The following DHX15 variants were observed in gnomAD, a reference collection of about 807,000 sequenced individuals.
The protein encoded by DHX15 is DEAH-box helicase 15.
DHX15 carries 11 observed loss-of-function variants against 94.4 expected under a neutral mutation model. That is an observed-to-expected ratio of 0.12 (90% CI 0.07 to 0.19). DHX15 has a LOEUF of 0.19. Among genes scored for constraint, DHX15 ranks in the 10% least tolerant of loss-of-function variants. The pLI is 1.00. For synonymous variants in DHX15, 338 were observed against 329.9 expected (o/e 1.02, Z -0.27); for missense variants, 304 against 988.5 (o/e 0.31, Z 9.29).
chr4:24,555,033 C>G, intron 4 of DHX15, 90 bp from the exon 5 acceptor site: 1 of 948,754 alleles, frequency 1.1e-6, no homozygotes, highest in Non-Finnish European at 1.5e-6. Flanking sequence ...CTACATATAT[C>G]AGCTATAAAA....
Position 24,529,754 on chromosome 4 carries a change from C to T in DHX15, c.2117G>A (p.Arg706Gln). ...GYFMQVAHLERTGHYLTVKDN... is the reference protein window; with the variant it reads ...GYFMQVAHLEQTGHYLTVKDN... ...TTTCACAGTTAAGTAATGCCCTGTT[C>T]GTTCTAAATGTGCCACCTGAAACCA... is the stretch of plus-strand genomic sequence containing the variant. The change falls in exon 13 of 14, where the codon CGA becomes CAA. Residue 706 changes from arginine (R) to glutamine (Q), a missense_variant. Arg to Gln is a conservative substitution (Grantham distance 43). Coordinates refer to ENST00000336812, the MANE Select transcript of DHX15 (RefSeq NM_001358.3). The T allele has an allele frequency of 1.2e-6, 2 of 1,614,132 alleles. No homozygotes were observed. The highest frequency in any genetic ancestry group is 1.7e-6 in the Non-Finnish European group (2 of 1,180,018).
Position 24,577,649 on chromosome 4 carries a change from C to T in DHX15, c.72-971G>A, listed in dbSNP as rs1227276726. Among the ~76,000 whole-genome samples, 4 of 152,238 alleles carry T rather than the reference C, an allele frequency of 2.6e-5. No individual in the cohort carries two copies. The South Asian group carries it at 6.2e-4, about 24-fold the overall frequency. On this transcript the variant is annotated intron_variant, in intron 1 of 13. Coordinates refer to ENST00000336812, the MANE Select transcript of DHX15 (RefSeq NM_001358.3). Reference sequence around the variant, plus strand: ...AATTTTAAGTAGTCAATGCTGGTATCTACTTCCAGTTACTAGAGATTGACC... The same window carrying T: ...AATTTTAAGTAGTCAATGCTGGTATTTACTTCCAGTTACTAGAGATTGACC...
intron 10 of DHX15, 29 bp downstream of exon 10, chr4:24,540,079 G>A (rs747470843): frequency 2.8e-6 from 4 of 1,439,192 alleles, no homozygotes; most frequent in Non-Finnish European, 2.8e-6. Context: ...GAAGAGCTGG[G>A]CTTTTTTTTG....
At chr4:24,582,751 C>T (rs969346592) in intron 1 of DHX15, among the ~76,000 whole-genome samples, 3 of 152,144 alleles carry the variant, frequency 2.0e-5, no homozygotes, top group African/African-American at 4.8e-5. Context: ...CTTCTCATTC[C>T]TTGATTGGAG....
At chr4:24,534,183 T>C (rs995096916) in intron 11 of DHX15, 7 of 152,184 alleles carry the variant, frequency 4.6e-5, no homozygotes, top group African/African-American at 9.7e-5. Flanking sequence ...TCTGAAGCCA[T>C]TGACATTTAA....
At chr4:24,552,055 T>C (rs1042512072) in intron 5 of DHX15, among the ~76,000 whole-genome samples, 3 of 152,206 alleles carry the variant, frequency 2.0e-5, no homozygotes, top group African/African-American at 4.8e-5. Flanking sequence ...TAAACAGCTT[T>C]AAAACTTGCA....
chr4:24,557,228 T>C (rs1178555660), intron 3 of DHX15, among the ~76,000 whole-genome samples: 1 of 152,186 alleles, frequency 6.6e-6, no homozygotes, highest in Non-Finnish European at 1.5e-5. Flanking sequence ...CATTCCACAC[T>C]GGTTACTGAT....
Position 24,527,813 on chromosome 4 carries a change from C to A in DHX15, c.*111G>T. On this transcript the variant is annotated 3_prime_UTR_variant, in exon 14 of 14. Coordinates refer to ENST00000336812, the MANE Select transcript of DHX15 (RefSeq NM_001358.3). ...TTTACTGTAAAGAAAAATTAAAAAG[C>A]TTTCAAATAAAGGCCATTATCGAAC... is the stretch of plus-strand genomic sequence containing the variant. 3.1e-6 allele frequency: 2 copies of A among 654,858 alleles called. No homozygotes were observed. Among genetic ancestry groups the A allele is most frequent in the East Asian group, 2.6e-5 (1 of 38,684 alleles). 40.6% of individuals were successfully genotyped at this position (654,858 alleles called of 1,614,324 possible). A position where few individuals can be genotyped will look rare whatever the true frequency, so the allele number is the denominator to read the frequency against.
chr4:24,548,804 C>G, intron 6 of DHX15, 51 bp downstream of exon 6: 1 of 1,531,052 alleles, frequency 6.5e-7, no homozygotes, highest in East Asian at 2.3e-5. Context: ...CAGTTTATAT[C>G]TCATAAATCA....
At chr4:24,558,117 T>G (rs144224249) in intron 3 of DHX15, among the ~76,000 whole-genome samples, 6 of 152,266 alleles carry the variant, frequency 3.9e-5, no homozygotes, top group African/African-American at 1.4e-4. Flanking sequence ...ATATTTAATA[T>G]TTCTGAAGGC....
Position 24,537,207 on chromosome 4 carries a change from C to T in DHX15, c.1787-34G>A, listed in dbSNP as rs750983723. 2 of 1,612,562 alleles carry T rather than the reference C, an allele frequency of 1.2e-6. No homozygotes were observed. The highest frequency in any genetic ancestry group is 1.7e-6 in the Non-Finnish European group (2 of 1,179,168). On this transcript the variant is annotated intron_variant, in intron 10 of 13. Transcript: ENST00000336812. This position sits in a 1 kb window ranked among gnomAD's most constrained non-coding sequence, Gnocchi z 4.7. ...GGTTGGTATGGGCCCAACACAAACG[C>T]CCATATCGATGAGTCACGCATTCAC...
intron 3 of DHX15, among the ~76,000 whole-genome samples, chr4:24,565,820 G>A (rs770394002): frequency 1.3e-5 from 2 of 152,156 alleles, no homozygotes; most frequent in Non-Finnish European, 2.9e-5. Context: ...TGCCATAAAT[G>A]ACGAAGAGTT....
intron 13 of DHX15, among the ~76,000 whole-genome samples, chr4:24,529,333 C>G (rs1721031017): frequency 6.6e-6 from 1 of 152,178 alleles, no homozygotes; most frequent in Admixed American, 6.5e-5. Flanking sequence ...GCCACCATGC[C>G]CAGCCCCTGA....
intron 3 of DHX15, among the ~76,000 whole-genome samples, chr4:24,559,936 A>T (rs1429664266): frequency 1.3e-5 from 2 of 152,188 alleles, no homozygotes; most frequent in Admixed American, 1.3e-4. Context: ...TTACCTAAAG[A>T]TGTCTAAAGT....
At chr4:24,557,131 T>C (rs907792343) in intron 3 of DHX15, among the ~76,000 whole-genome samples, 13 of 152,100 alleles carry the variant, frequency 8.5e-5, no homozygotes, top group African/African-American at 3.1e-4. Context: ...ACTCCAGTTA[T>C]CACAAGACAG....
At chr4:24,547,783 T>A (rs1036629882) in intron 6 of DHX15, among the ~76,000 whole-genome samples, 9 of 149,838 alleles carry the variant, frequency 6.0e-5, no homozygotes, top group African/African-American at 1.5e-4. Context: ...AGACCCCATG[T>A]TGTTTAAAAA....
At chr4:24,557,879 C>T (rs138210572) in intron 3 of DHX15, among the ~76,000 whole-genome samples, 7 of 151,792 alleles carry the variant, frequency 4.6e-5, no homozygotes, top group South Asian at 2.1e-4. Context: ...AGAGGCAATA[C>T]TCTTGTACAT....
intron 3 of DHX15, among the ~76,000 whole-genome samples, chr4:24,562,841 A>G (rs1721913446): frequency 6.6e-6 from 1 of 152,214 alleles, no homozygotes; most frequent in African/African-American, 2.4e-5. Flanking sequence ...ACACACACAG[A>G]ACTATCAAAT....
chr4:24,530,107 C>CA, intron 12 of DHX15: 1 of 364,208 alleles, frequency 2.7e-6, no homozygotes, highest in South Asian at 2.7e-5. Context: ...AGAACACAGG[C>CA]ATGCCCATTT....
Sources: gnomAD v4.1 joint callset for allele counts (sites outside exome capture counted in the v4.1 genomes callset) on GRCh38, gnomAD v4.1.1 for gene constraint, Gnocchi (gnomAD v3.1) non-coding constraint, MANE v1.5 for transcripts, NCBI Gene and HGNC (gene_info 2026-07-23, HGNC 2026-07-21) for gene names.